The following CCDC80 variants were observed in gnomAD, a reference collection of about 807,000 sequenced individuals.
CCDC80 encodes coiled-coil domain containing 80, also known as coiled-coil domain-containing protein 80.
A neutral mutation model predicts 78.7 loss-of-function variants in CCDC80; 49 were observed. The ratio of observed to expected loss-of-function variants is 0.62; its 90% CI spans 0.50 to 0.79. CCDC80 has a LOEUF of 0.79. Among genes scored for constraint, CCDC80 ranks in the 30% least tolerant of loss-of-function variants. The pLI, the probability that CCDC80 is intolerant of heterozygous loss-of-function variation, is 0.00. For missense variants in CCDC80, 1,205 were observed against 1,198.6 expected, an observed-to-expected ratio of 1.01 and a Z score of -0.08; for synonymous variants, 488 against 447.0, an observed-to-expected ratio of 1.09 and a Z score of -1.16.
In CCDC80 at chr3:112,605,201, C is replaced by A; in HGVS notation, c.*216G>T. 3 of 448,078 alleles carry A rather than the reference C, an allele frequency of 6.7e-6. No homozygotes were observed. Among genetic ancestry groups the A allele is most frequent in the Middle Eastern group, 5.7e-4 (1 of 1,744 alleles). 27.8% of individuals were successfully genotyped at this position (448,078 alleles called of 1,614,324 possible). A position where few individuals can be genotyped will look rare whatever the true frequency, so the allele number is the denominator to read the frequency against. On this transcript the variant is annotated 3_prime_UTR_variant, in exon 8 of 8. Coordinates refer to ENST00000206423, the MANE Select transcript of CCDC80 (RefSeq NM_199511.3). Reference sequence around the variant, plus strand: ...ACTATTATTTAGCACTAGAGCCCCTCCAGTTAGAAAAACAATTCTTTTAAA... The same window carrying A: ...ACTATTATTTAGCACTAGAGCCCCTACAGTTAGAAAAACAATTCTTTTAAA...
chr3:112,621,297 A>G (rs1935862631), intron 3 of CCDC80, among the ~76,000 whole-genome samples: 1 of 152,194 alleles, frequency 6.6e-6, no homozygotes, highest in Admixed American at 6.5e-5. Context: ...CCATGAGAAT[A>G]TGCCCACACC....
At chr3:112,631,134 G>A (rs888120108) in intron 2 of CCDC80, among the ~76,000 whole-genome samples, 4 of 152,150 alleles carry the variant, frequency 2.6e-5, no homozygotes, top group Admixed American at 6.5e-5. Flanking sequence ...AGGTCCTCTT[G>A]AATCTTTTCT....
At chr3:112,619,579 A>G (rs1435452087) in intron 3 of CCDC80, among the ~76,000 whole-genome samples, 1 of 152,200 alleles carries the variant, frequency 6.6e-6, no homozygotes, top group African/African-American at 2.4e-5. Flanking sequence ...TAAGCATGTC[A>G]TATCTATAGA....
chr3:112,634,662 G>C (rs933536382), intron 2 of CCDC80, among the ~76,000 whole-genome samples: 1 of 152,130 alleles, frequency 6.6e-6, no homozygotes. Context: ...GTGACTCAAG[G>C]TTGACAATGA....
chr3:112,628,731 A>G (rs1021378453), intron 3 of CCDC80, among the ~76,000 whole-genome samples: 1 of 152,182 alleles, frequency 6.6e-6, no homozygotes, highest in Non-Finnish European at 1.5e-5. Context: ...CCCCTAAATT[A>G]TACACACAGT....
intron 3 of CCDC80, among the ~76,000 whole-genome samples, chr3:112,624,779 T>C (rs1275019793): frequency 6.6e-6 from 1 of 152,222 alleles, no homozygotes; most frequent in Non-Finnish European, 1.5e-5. Context: ...TTCAGAAATA[T>C]TTAGTGACTT....
rs79789489 is a variant in CCDC80, at chr3:112,601,300, C to T, written c.*4117G>A. 151 of 152,202 alleles carry T rather than the reference C, an allele frequency of 9.9e-4. No individual in the cohort carries two copies. The highest frequency in any genetic ancestry group is 3.4e-3 in the African/African-American group (142 of 41,512). 9.4% of individuals were successfully genotyped at this position (152,202 alleles called of 1,614,324 possible). On this transcript the variant is annotated 3_prime_UTR_variant, in exon 8 of 8. Coordinates refer to ENST00000206423, the MANE Select transcript of CCDC80 (RefSeq NM_199511.3). ...CAGATAAACCTATAGCAAATATTCACATGTGGTTTGAATGCATTTATTAAT... is the reference window on the plus strand; with the variant it reads ...CAGATAAACCTATAGCAAATATTCATATGTGGTTTGAATGCATTTATTAAT...
intron 3 of CCDC80, 71 bp from the exon 4 acceptor site, chr3:112,619,175 A>T: frequency 7.0e-7 from 1 of 1,424,986 alleles, no homozygotes. Context: ...GAATGGGTGA[A>T]GGCTTTGGGC....
rs1029103042 is a variant in CCDC80, at chr3:112,605,164, T to C, written c.*253A>G. ...TTCATATAAGAAAAGGAAAATAATA[T>C]CAATTTTCAGTACTATTATTTAGCA... On this transcript the variant is annotated 3_prime_UTR_variant, in exon 8 of 8. Coordinates refer to ENST00000206423, the MANE Select transcript of CCDC80 (RefSeq NM_199511.3). 2 of 336,688 alleles carry C rather than the reference T, an allele frequency of 5.9e-6. No homozygotes were observed. The highest frequency in any genetic ancestry group is 9.3e-5 in the Admixed American group (2 of 21,490). 20.9% of individuals were successfully genotyped at this position (336,688 alleles called of 1,614,324 possible).
intron 7 of CCDC80, 86 bp from the exon 8 acceptor site, chr3:112,605,849 G>T: frequency 9.2e-7 from 1 of 1,092,348 alleles, no homozygotes; most frequent in Non-Finnish European, 1.3e-6. Context: ...ATTACTGTGA[G>T]AATAGGGAGG....
rs779800732 is a variant in CCDC80, at chr3:112,639,038, C to T, written c.868G>A (p.Val290Met). 1 of 1,611,696 alleles carries T rather than the reference C, an allele frequency of 6.2e-7. No homozygotes were observed. The highest frequency in any genetic ancestry group is 1.1e-5 in the South Asian group (1 of 91,078). Residue 290 changes from valine to methionine, a missense_variant, in exon 2 of 8, where the codon GTG (valine) becomes ATG (methionine). Val to Met is a conservative substitution (Grantham distance 21). Coordinates refer to ENST00000206423, the MANE Select transcript of CCDC80 (RefSeq NM_199511.3). ...KCKASGVEGQ[V>M]VAEGNDGGGG... Reference sequence around the variant, plus strand: ...CCACCGTCATTCCCCTCCGCCACCACCTGGCCCTCTACACCAGAGGCCTTA... The same window carrying T: ...CCACCGTCATTCCCCTCCGCCACCATCTGGCCCTCTACACCAGAGGCCTTA...
chr3:112,622,576 T>C (rs1035042193), intron 3 of CCDC80, among the ~76,000 whole-genome samples: 6 of 152,206 alleles, frequency 3.9e-5, no homozygotes. Context: ...TCTTGTTAAA[T>C]TTATCCAAAC....
intron 3 of CCDC80, among the ~76,000 whole-genome samples, chr3:112,629,336 T>A (rs1463094934): frequency 1.3e-5 from 2 of 151,276 alleles, no homozygotes; most frequent in Non-Finnish European, 2.9e-5. Context: ...AAAGTGCATA[T>A]AAGAAAAAAA....
At chr3:112,624,608 T>C (rs1935931667) in intron 3 of CCDC80, among the ~76,000 whole-genome samples, 1 of 152,222 alleles carries the variant, frequency 6.6e-6, no homozygotes, top group Non-Finnish European at 1.5e-5. Context: ...AGTGACCTGA[T>C]TAAATTGATA....
chr3:112,638,612 T>C lies in CCDC80; in HGVS notation c.1294A>G (p.Arg432Gly). 1.2e-6 allele frequency: 2 copies of C among 1,614,060 alleles called. No individual in the cohort carries two copies. Among genetic ancestry groups the C allele is most frequent in the Non-Finnish European group, 8.5e-7 (1 of 1,180,016 alleles). ...TCCAAGCTGGTGGCCTTGCTGGGCC[T>C]CCTGGTTGTCTGTGGCCTCTCCCTG... ...QHRERPQTTR[R>G]PSKATSLESF... The change falls in exon 2 of 8, where the codon AGG (arginine) becomes GGG (glycine). Residue 432 changes from arginine to glycine, a missense_variant. Physicochemically the swap from Arg to Gly is moderately radical, Grantham distance 125. Transcript: ENST00000206423.
chr3:112,610,897 C>CT (rs200134766), intron 5 of CCDC80, among the ~76,000 whole-genome samples: 4,294 of 145,910 alleles, frequency 0.029, 81 homozygotes, highest in South Asian at 0.058. Context: ...TTCCTTATTT[C>CT]TTTTCTTTTC....
rs1935425198 is a variant in CCDC80 at position 112,604,129 on chromosome 3, C to T, written c.*1288G>A. ...AGATGGAATCTACTCGCGTAAGTTG[C>T]TATGTACATTATTGAAATGACAACA... On this transcript the variant is annotated 3_prime_UTR_variant, in exon 8 of 8. Transcript: ENST00000206423. The T allele has an allele frequency of 6.6e-6, 1 of 152,192 alleles. No homozygotes were observed. The highest frequency in any genetic ancestry group is 2.4e-5 in the African/African-American group (1 of 41,430). 9.4% of individuals were successfully genotyped at this position (152,192 alleles called of 1,614,324 possible).
At chr3:112,610,318 G>A (rs757432596) in intron 5 of CCDC80, 16 of 509,912 alleles carry the variant, frequency 3.1e-5, no homozygotes, top group Non-Finnish European at 4.6e-5. Context: ...GACGTGTCAA[G>A]CATGAGTCTG....
Position 112,616,738 on chromosome 3 carries a change from T to G in CCDC80, c.2293A>C (p.Lys765Gln). Residue 765 changes from lysine (K) to glutamine (Q), a missense_variant, in exon 5 of 8, where the codon AAG becomes CAG. Physicochemically the swap from Lys to Gln is moderately conservative, Grantham distance 53. Coordinates refer to ENST00000206423, the MANE Select transcript of CCDC80 (RefSeq NM_199511.3). ...GATAGGAAGTTCTCCAGGGACTGCTTTTTGTCCTCTTTGCAAACAATGCCC... is the reference window on the plus strand; with the variant it reads ...GATAGGAAGTTCTCCAGGGACTGCTGTTTGTCCTCTTTGCAAACAATGCCC... ...KEGIVCKEDK[K>Q]QSLENFLSRF... 1 of 1,614,174 alleles carries G rather than the reference T, an allele frequency of 6.2e-7. No individual in the cohort carries two copies. The highest frequency in any genetic ancestry group is 8.5e-7 in the Non-Finnish European group (1 of 1,179,996).
Sources: gnomAD v4.1 joint callset for allele counts (sites outside exome capture counted in the v4.1 genomes callset) on GRCh38, gnomAD v4.1.1 for gene constraint, MANE v1.5 for transcripts, NCBI Gene and HGNC (gene_info 2026-07-23, HGNC 2026-07-21) for gene names.